SIRPG: variants seen among roughly 807,000 people sequenced by gnomAD.
The protein encoded by SIRPG is signal regulatory protein gamma.
In SIRPG, 38 loss-of-function variants were observed where a neutral mutation model predicts 35.7. That is an observed-to-expected ratio of 1.06 (90% CI 0.82 to 1.40). SIRPG has a LOEUF of 1.40. Among genes scored for constraint, SIRPG ranks in the 40% most tolerant of loss-of-function variants. The pLI is 0.00. For synonymous variants in SIRPG, 215 were observed against 190.4 expected, an observed-to-expected ratio of 1.13 and a Z score of -1.06; for missense variants, 519 against 483.0, an observed-to-expected ratio of 1.07 and a Z score of -0.70.
At chr20:1,638,793 C>A (rs528050436) in intron 2 of SIRPG, among the ~76,000 whole-genome samples, 40 of 145,908 alleles carry the variant, frequency 2.7e-4, no homozygotes, top group Non-Finnish European at 5.4e-4. Context: ...TTGACTGGCC[C>A]TGGTGTGTGT....
At chr20:1,673,221 C>T in the SIRPG span, among the ~76,000 whole-genome samples, 1 of 152,108 alleles carries the variant, frequency 6.6e-6, no homozygotes, top group Non-Finnish European at 1.5e-5. Context: ...GCATGGCGAC[C>T]CTAACGGGAT....
the SIRPG span, among the ~76,000 whole-genome samples, chr20:1,672,741 T>TTTG: frequency 0.63 from 94,815 of 150,916 alleles, 30,977 homozygotes; most frequent in East Asian, 0.85. Flanking sequence ...CGGCCAATCA[T>TTTG]TTGTTGTTGT....
In SIRPG at chr20:1,645,778, A is replaced by T. The variant is rs532834038; in HGVS notation, c.430+3274T>A. On this transcript the variant is annotated intron_variant, in intron 2 of 5. Transcript: ENST00000303415. The stretch of plus-strand genomic sequence containing the variant: ...AGTTCTTGCCCATGCTCTCCTAACC[A>T]CTGTTCTGCCGAAGCTCAGTGATAA... Among the ~76,000 whole-genome samples the T allele has an allele frequency of 1.6e-3, 248 of 152,138 alleles. 2 individuals are homozygous for T. Among genetic ancestry groups the T allele is most frequent in the African/African-American group, 5.7e-3 (237 of 41,482 alleles).
At chr20:1,677,227 T>C in the SIRPG span, among the ~76,000 whole-genome samples, 1 of 152,170 alleles carries the variant, frequency 6.6e-6, no homozygotes, top group African/African-American at 2.4e-5. Flanking sequence ...AGGACCTGAA[T>C]GGAGCTCCTG....
the SIRPG span, among the ~76,000 whole-genome samples, chr20:1,668,527 C>A: frequency 6.6e-6 from 1 of 152,054 alleles, no homozygotes; most frequent in African/African-American, 2.4e-5. Context: ...CATGATCCAA[C>A]CACCTCGGTC....
chr20:1,660,379 A>G (rs991840059), upstream of SIRPG, among the ~76,000 whole-genome samples: 17 of 152,182 alleles, frequency 1.1e-4, no homozygotes, highest in African/African-American at 3.9e-4. Context: ...AATATACCAC[A>G]ATATTGTGGT....
chr20:1,639,480 C>T (rs2091833365), intron 2 of SIRPG, among the ~76,000 whole-genome samples: 1 of 151,708 alleles, frequency 6.6e-6, no homozygotes, highest in Non-Finnish European at 1.5e-5. Context: ...TTGTTTTTTT[C>T]TTGTGAATTT....
At chr20:1,670,644 A>G in the SIRPG span, among the ~76,000 whole-genome samples, 1 of 152,168 alleles carries the variant, frequency 6.6e-6, no homozygotes. Flanking sequence ...CTAGCTATCT[A>G]GCAAGCTAGC....
chr20:1,657,515 T>G, intron 1 of SIRPG, 127 bp downstream of exon 1: 7 of 918,790 alleles, frequency 7.6e-6, no homozygotes, highest in Non-Finnish European at 1.2e-5. Context: ...TCTTCTGCTC[T>G]TGGACAATGT....
At chr20:1,643,532 C>T (rs995254101) in intron 2 of SIRPG, among the ~76,000 whole-genome samples, 2 of 152,124 alleles carry the variant, frequency 1.3e-5, no homozygotes, top group African/African-American at 2.4e-5. Context: ...CGTAGCTCAG[C>T]GGACTTTGTT....
chr20:1,657,336 A>G (rs1382419153), intron 1 of SIRPG, among the ~76,000 whole-genome samples: 1 of 152,222 alleles, frequency 6.6e-6, no homozygotes, highest in East Asian at 1.9e-4. Context: ...GCACACAAAA[A>G]TGGGTAGGAG....
chr20:1,629,574 T>C lies in SIRPG; in HGVS notation c.*65A>G. 1 of 152,410 alleles carries C rather than the reference T, an allele frequency of 6.6e-6. No homozygotes were observed. Among genetic ancestry groups the C allele is most frequent in the Non-Finnish European group, 1.5e-5 (1 of 68,136 alleles). The allele number at this position is 152,410 out of a possible 1,614,324, so 9.4% of individuals were successfully genotyped here. The stretch of plus-strand genomic sequence containing the variant: ...CTGGCTCATTCTCTCAAGCTGAGCC[T>C]CTCAGGAAAGGAAGGAGGCAGCAGA... On this transcript the variant is annotated 3_prime_UTR_variant, in exon 6 of 6. Coordinates refer to ENST00000303415, the MANE Select transcript of SIRPG (RefSeq NM_018556.4).
rs780854234 is a variant in SIRPG, at chr20:1,649,364, G to T, written c.118C>A (p.Leu40Ile). ...EELQMIQPEKLLLVTVGKTAT... is the reference protein window; with the variant it reads ...EELQMIQPEKILLVTVGKTAT... ...GTCTTTCCAACTGTGACCAACAGGA[G>T]CTTCTCAGGCTGAATCATCTGTAGC... Residue 40 changes from leucine (L) to isoleucine (I), a missense_variant, in exon 2 of 6, where the codon CTC becomes ATC. Leu to Ile is a conservative substitution (Grantham distance 5, BLOSUM62 2). Transcript: ENST00000303415. The T allele has an allele frequency of 6.2e-7, 1 of 1,613,482 alleles. No individual in the cohort carries two copies. The highest frequency in any genetic ancestry group is 1.1e-5 in the South Asian group (1 of 91,022).
the SIRPG span, among the ~76,000 whole-genome samples, chr20:1,674,276 A>G: frequency 6.6e-6 from 1 of 152,006 alleles, no homozygotes; most frequent in Admixed American, 6.6e-5. Flanking sequence ...GAAAGCCACC[A>G]GACCCCACCC....
the SIRPG span, among the ~76,000 whole-genome samples, chr20:1,668,014 A>G: frequency 6.6e-6 from 1 of 152,202 alleles, no homozygotes; most frequent in South Asian, 2.1e-4. Context: ...CTCAGGATGT[A>G]TCCCCTTCAT....
At chr20:1,667,168 A>G in the SIRPG span, among the ~76,000 whole-genome samples, 2 of 152,204 alleles carry the variant, frequency 1.3e-5, no homozygotes. Context: ...AAGTGCTGGG[A>G]TTACAGGTGT....
chr20:1,661,460 G>A (rs1196437905), upstream of SIRPG, among the ~76,000 whole-genome samples: 1 of 152,248 alleles, frequency 6.6e-6, no homozygotes, highest in African/African-American at 2.4e-5. Flanking sequence ...CATGGGCTGA[G>A]AGGGTGAGGA....
At chr20:1,655,031 G>A (rs141018534) in intron 1 of SIRPG, among the ~76,000 whole-genome samples, 11 of 152,314 alleles carry the variant, frequency 7.2e-5, no homozygotes, top group African/African-American at 2.4e-4. Flanking sequence ...AGGAAATTTA[G>A]TATTGGAGAA....
In SIRPG at chr20:1,635,292, C is replaced by T. The variant is rs769860845; in HGVS notation, c.1056G>A (p.Lys352=). The part of the protein sequence containing the change: ...RLALEVTVHQ[K]DQSSDATPGP... Reference sequence around the variant, plus strand: ...CAGGGGTAGCATCTGAGCTCTGGTCCTTCTGGTGGACTGTGACCTCTAGGG... The same window carrying T: ...CAGGGGTAGCATCTGAGCTCTGGTCTTTCTGGTGGACTGTGACCTCTAGGG... The change falls in exon 4 of 6, where the codon AAG becomes AAA. Residue 352 remains lysine, a synonymous_variant. Coordinates refer to ENST00000303415, the MANE Select transcript of SIRPG (RefSeq NM_018556.4). The T allele has an allele frequency of 4.3e-6, 7 of 1,612,644 alleles. No homozygotes were observed. The Admixed American group carries it at 1.0e-4, about 23-fold the overall frequency.
Sources: allele counts gnomAD v4.1 joint callset (sites outside exome capture counted in the v4.1 genomes callset), GRCh38; gene constraint gnomAD v4.1.1; transcripts MANE v1.5; gene names NCBI Gene and HGNC (gene_info 2026-07-23, HGNC 2026-07-21).